Variants in CRYZ observed in about 807,000 individuals in gnomAD.
CRYZ encodes zeta-crystallin.
Under a neutral mutation model 34.1 loss-of-function variants are expected in CRYZ, and 35 were observed. The observed-to-expected ratio is 1.03, with a 90% CI of 0.78 to 1.36. CRYZ has a LOEUF of 1.36. Among genes scored for constraint, CRYZ ranks in the 40% most tolerant of loss-of-function variants. The probability of loss-of-function intolerance (pLI) is 0.00; values close to 1 mark genes in which losing one functional copy is unlikely to be tolerated. For missense variants in CRYZ, 403 were observed against 391.8 expected (o/e 1.03, Z -0.24); for synonymous variants, 137 against 136.5 (o/e 1.00, Z -0.03).
At chr1:74,724,928 C>A in intron 1 of CRYZ, 94 bp from the exon 2 acceptor site, 1 of 652,954 alleles carries the variant, frequency 1.5e-6, no homozygotes, top group South Asian at 2.0e-5. Context: ...ACAATTTTTT[C>A]AAATAACAAT....
At position 74,706,892 on chromosome 1, in the gene CRYZ, T is replaced by C. The variant is rs1646936101; in HGVS notation, c.828+7A>G. The C allele has an allele frequency of 1.9e-6, 3 of 1,610,148 alleles. No homozygotes were observed. The East Asian group carries it at 6.7e-5, about 36-fold the overall frequency. ...GTTACCAAAATCAGAAGTACTTCTT[T>C]TCCTACCTTGGTTGAGGAAAAGAGA... On this transcript the variant is annotated splice_region_variant and intron_variant, in intron 8 of 8. Transcript: ENST00000340866.
chr1:74,717,977 C>T (rs1647100088), intron 4 of CRYZ, among the ~76,000 whole-genome samples: 1 of 150,642 alleles, frequency 6.6e-6, no homozygotes, highest in African/African-American at 2.4e-5. Flanking sequence ...TTTGTATCTC[C>T]AGTCTTCAAG....
At chr1:74,732,870 G>A (rs1647920874) in intron 1 of CRYZ, 86 bp downstream of exon 1, 3 of 216,116 alleles carry the variant, frequency 1.4e-5, no homozygotes, top group African/African-American at 2.3e-5. Flanking sequence ...AAGGGGTGCA[G>A]CCAAAATCAA....
intron 3 of CRYZ, among the ~76,000 whole-genome samples, 177 bp from the exon 4 acceptor site, chr1:74,719,549 G>A (rs1419971012): frequency 6.6e-6 from 1 of 151,376 alleles, no homozygotes; most frequent in Non-Finnish European, 1.5e-5. Flanking sequence ...AGGCTGGAGT[G>A]CAATGGCATG....
intron 8 of CRYZ, 38 bp from the exon 9 acceptor site, chr1:74,706,495 C>A: frequency 6.5e-7 from 1 of 1,549,694 alleles, no homozygotes; most frequent in Non-Finnish European, 8.7e-7. Context: ...TTGTAGTGAA[C>A]CGTATGATTT....
intron 1 of CRYZ, among the ~76,000 whole-genome samples, chr1:74,727,600 C>T (rs1647432926): frequency 1.4e-5 from 2 of 138,802 alleles, no homozygotes; most frequent in African/African-American, 5.5e-5. Flanking sequence ...CACTACACTC[C>T]AGCCACTGCA....
At chr1:74,727,458 C>CAAAAAAAAAAAAAAAAAA (rs3041452) in intron 1 of CRYZ, among the ~76,000 whole-genome samples, 1 of 71,920 alleles carries the variant, frequency 1.4e-5, no homozygotes, top group African/African-American at 5.7e-5. Flanking sequence ...CTAAAAAATA[C>CAAAAAAAAAAAAAAAAAA]AAAAAAAAAA....
intron 4 of CRYZ, among the ~76,000 whole-genome samples, chr1:74,716,618 T>C (rs956157896): frequency 1.5e-4 from 23 of 152,160 alleles, no homozygotes; most frequent in African/African-American, 5.6e-4. Flanking sequence ...CCCTGAGAAA[T>C]ATCAGATGCC....
At chr1:74,715,717 A>G (rs1647062452) in intron 4 of CRYZ, among the ~76,000 whole-genome samples, 1 of 152,150 alleles carries the variant, frequency 6.6e-6, no homozygotes, top group Non-Finnish European at 1.5e-5. Context: ...AAAAATTCTT[A>G]TAAGATGCCC....
At chr1:74,724,610 T>A in intron 2 of CRYZ, 101 bp downstream of exon 2, 1 of 734,136 alleles carries the variant, frequency 1.4e-6, no homozygotes, top group Non-Finnish European at 2.3e-6. Flanking sequence ...CCTAATTCAA[T>A]GTTTTTAAAA....
intron 1 of CRYZ, among the ~76,000 whole-genome samples, chr1:74,725,705 A>G (rs1332008401): frequency 6.6e-6 from 1 of 152,116 alleles, no homozygotes; most frequent in Non-Finnish European, 1.5e-5. Context: ...CATAAACTCA[A>G]AGGTTCACAG....
intron 5 of CRYZ, among the ~76,000 whole-genome samples, chr1:74,714,176 G>C (rs1647040642): frequency 6.6e-6 from 1 of 151,916 alleles, no homozygotes; most frequent in African/African-American, 2.4e-5. Flanking sequence ...TGCTGTCTGG[G>C]GCAACATAGG....
intron 3 of CRYZ, 76 bp downstream of exon 3, chr1:74,723,042 A>G (rs1647192078): frequency 1.4e-6 from 2 of 1,441,492 alleles, no homozygotes; most frequent in Non-Finnish European, 1.9e-6. Flanking sequence ...CTTAAATAAG[A>G]TGCAGTTGAA....
At chr1:74,720,124 T>C (rs1223339436) in intron 3 of CRYZ, among the ~76,000 whole-genome samples, 1 of 151,996 alleles carries the variant, frequency 6.6e-6, no homozygotes, top group Admixed American at 6.6e-5. Context: ...AGCTAGTAAA[T>C]AGCAGTCAAT....
At chr1:74,719,921 G>A (rs558285288) in intron 3 of CRYZ, among the ~76,000 whole-genome samples, 1 of 152,196 alleles carries the variant, frequency 6.6e-6, no homozygotes, top group Non-Finnish European at 1.5e-5. Context: ...GCATCATAAT[G>A]ATGTTGATGG....
At chr1:74,713,343 G>A (rs1647029264) in intron 5 of CRYZ, among the ~76,000 whole-genome samples, 1 of 152,116 alleles carries the variant, frequency 6.6e-6, no homozygotes, top group Non-Finnish European at 1.5e-5. Context: ...CTCTCTGAAA[G>A]CCAGGGTAAT....
At chr1:74,727,618 C>A (rs1372382339) in intron 1 of CRYZ, among the ~76,000 whole-genome samples, 3 of 127,686 alleles carry the variant, frequency 2.3e-5, no homozygotes, top group African/African-American at 9.5e-5. Flanking sequence ...GCACTGCAGC[C>A]TGGGCAACAC....
chr1:74,714,779 C>A, intron 4 of CRYZ, 149 bp from the exon 5 acceptor site: 1 of 674,190 alleles, frequency 1.5e-6, no homozygotes, highest in Non-Finnish European at 2.6e-6. Context: ...CCAAATATTC[C>A]CTAAGCTCCA....
chr1:74,719,449 A>T, intron 3 of CRYZ, 77 bp from the exon 4 acceptor site: 1 of 1,360,876 alleles, frequency 7.3e-7, no homozygotes, highest in East Asian at 2.4e-5. Context: ...CTTTATAACA[A>T]GAAATAAGTG....
Sources: allele counts gnomAD v4.1 joint callset (sites outside exome capture counted in the v4.1 genomes callset), GRCh38; gene constraint gnomAD v4.1.1; transcripts MANE v1.5; gene names NCBI Gene and HGNC (gene_info 2026-07-23, HGNC 2026-07-21).